KHDRBS3: variants seen among roughly 807,000 people sequenced by gnomAD.
KHDRBS3 encodes KH domain-containing, RNA-binding, signal transduction-associated protein 3.
In KHDRBS3, 23 loss-of-function variants were observed where a neutral mutation model predicts 45.6. That is an observed-to-expected ratio of 0.50 (90% CI 0.36 to 0.72). KHDRBS3 has a LOEUF of 0.72. KHDRBS3 is among the 30% of genes least tolerant of loss of function. KHDRBS3 has a pLI of 0.00. For synonymous variants in KHDRBS3, 162 were observed against 156.5 expected (o/e 1.04, Z -0.26); for missense variants, 352 against 424.8 (o/e 0.83, Z 1.51).
At chr8:135,563,974 C>G (rs1244856015) in intron 5 of KHDRBS3, among the ~76,000 whole-genome samples, 1 of 152,120 alleles carries the variant, frequency 6.6e-6, no homozygotes, top group African/African-American at 2.4e-5. Context: ...AGTGCGTGTT[C>G]CCAGATATTG....
intron 1 of KHDRBS3, among the ~76,000 whole-genome samples, chr8:135,509,973 CCT>C (rs377463978): frequency 2.8e-5 from 4 of 141,508 alleles, no homozygotes; most frequent in Admixed American, 6.9e-5. Flanking sequence ...TTTCCCCCCC[CCT>C]TTTTTTTTTT....
At chr8:135,632,435 G>T (rs1830643549) in intron 7 of KHDRBS3, among the ~76,000 whole-genome samples, 1 of 152,006 alleles carries the variant, frequency 6.6e-6, no homozygotes, top group South Asian at 2.1e-4. Context: ...CTTCTCAGTG[G>T]TCTCACTGTC....
intron 7 of KHDRBS3, among the ~76,000 whole-genome samples, chr8:135,627,120 A>G (rs939650241): frequency 6.6e-6 from 1 of 152,204 alleles, no homozygotes; most frequent in Non-Finnish European, 1.5e-5. Flanking sequence ...TTAATCATAA[A>G]TTCAATCAAA....
intron 1 of KHDRBS3, among the ~76,000 whole-genome samples, chr8:135,517,032 C>T (rs190423585): frequency 1.3e-5 from 2 of 151,990 alleles, no homozygotes; most frequent in East Asian, 3.9e-4. Flanking sequence ...GAAAAGAGGC[C>T]ATTGCTTAGG....
intron 1 of KHDRBS3, among the ~76,000 whole-genome samples, chr8:135,475,970 T>G (rs1031843300): frequency 1.3e-5 from 2 of 152,184 alleles, no homozygotes; most frequent in African/African-American, 4.8e-5. Context: ...AGGGGCCTTA[T>G]GGAGTTACTT....
intron 1 of KHDRBS3, among the ~76,000 whole-genome samples, chr8:135,517,393 C>G (rs989388650): frequency 2.6e-5 from 4 of 152,102 alleles, no homozygotes; most frequent in African/African-American, 9.7e-5. Context: ...GGATCTCAAG[C>G]ATCTTTCCTC....
chr8:135,458,199 A>G, intron 1 of KHDRBS3: 2 of 1,282,908 alleles, frequency 1.6e-6, no homozygotes, highest in South Asian at 1.9e-5. Context: ...ACTTGAAGGA[A>G]ATCTTTGGGG....
At position 135,614,011 on chromosome 8, in the gene KHDRBS3, A is replaced by T. The variant is rs549423074; in HGVS notation, c.890+6974A>T. On this transcript the variant is annotated intron_variant, in intron 7 of 8. Transcript: ENST00000355849. ...AATCAGAGTACAAATGAGAATTCCC[A>T]TAAAAAAATTCAGTATAGTTCAGGT... Among the ~76,000 whole-genome samples the T allele has an allele frequency of 6.4e-5, 8 of 124,762 alleles. No homozygotes were observed. In the South Asian group the frequency reaches 2.4e-3, roughly 38 times the overall value. The allele number at this position is 124,762 out of a possible 152,430, so 81.8% of individuals were successfully genotyped here.
At chr8:135,460,738 T>A (rs1821386800) in intron 1 of KHDRBS3, among the ~76,000 whole-genome samples, 1 of 152,214 alleles carries the variant, frequency 6.6e-6, no homozygotes, top group African/African-American at 2.4e-5. Context: ...TCACGGTAGA[T>A]TTATCTTCCA....
In KHDRBS3 at chr8:135,494,658, A is replaced by AG. The variant is rs1823343613; in HGVS notation, c.89-26579_89-26578insG. Among the ~76,000 whole-genome samples, 3 of 31,136 alleles carry AG rather than the reference A, an allele frequency of 9.6e-5. No individual in the cohort carries two copies. The Admixed American group carries it at 1.4e-3, about 14-fold the overall frequency. The allele number at this position is 31,136 out of a possible 152,430, so 20.4% of individuals were successfully genotyped here. Reference sequence around the variant, plus strand: ...ATCATTGAACTGAACCATTTGTATCAATGCAGGATCCTGAGCAAGCTGGTT... The same window carrying AG: ...ATCATTGAACTGAACCATTTGTATCAGATGCAGGATCCTGAGCAAGCTGGTT... On this transcript the variant is annotated intron_variant, in intron 1 of 8. Coordinates refer to ENST00000355849, the MANE Select transcript of KHDRBS3 (RefSeq NM_006558.3).
intron 1 of KHDRBS3, among the ~76,000 whole-genome samples, chr8:135,465,835 A>G (rs1821669178): frequency 6.6e-6 from 1 of 152,216 alleles, no homozygotes; most frequent in African/African-American, 2.4e-5. Flanking sequence ...CTTCGTTGAT[A>G]TGATAAAGGG....
Position 135,560,939 on chromosome 8 carries a change from A to C in KHDRBS3, c.611+3352A>C, listed in dbSNP as rs139831096. Among the ~76,000 whole-genome samples, 722 of 152,276 alleles carry C rather than the reference A, an allele frequency of 4.7e-3. 9 individuals carry two copies. The highest frequency in any genetic ancestry group is 5.7e-3 in the Non-Finnish European group (386 of 68,014). ...CAGCAGGGCACTGAACACACAACCC[A>C]CTTTACTTCCTCCATATTATTATGG... On this transcript the variant is annotated intron_variant, in intron 5 of 8. Transcript: ENST00000355849.
In KHDRBS3 at chr8:135,500,340, T is replaced by C. The variant is rs150981860; in HGVS notation, c.89-20897T>C. ...GCTTCATATTGTGTCTCTTAAAGTT[T>C]TTTGTTTCCAAAGAATAGAAACTGA... On this transcript the variant is annotated intron_variant, in intron 1 of 8. Transcript: ENST00000355849. Among the ~76,000 whole-genome samples the C allele has an allele frequency of 3.0e-4, 46 of 152,310 alleles. 1 individual carries two copies. The East Asian group carries it at 8.5e-3, about 28-fold the overall frequency.
chr8:135,548,609 T>G, intron 3 of KHDRBS3, 145 bp from the exon 4 acceptor site: 2 of 560,396 alleles, frequency 3.6e-6, no homozygotes, highest in Non-Finnish European at 5.7e-6. Context: ...TAAACCTTCT[T>G]TTTTAGAGTA....
chr8:135,516,223 T>C (rs981490440), intron 1 of KHDRBS3, among the ~76,000 whole-genome samples: 4 of 152,200 alleles, frequency 2.6e-5, no homozygotes, highest in Admixed American at 2.6e-4. Context: ...AATACTTGCA[T>C]AGGACACTTA....
intron 5 of KHDRBS3, among the ~76,000 whole-genome samples, chr8:135,567,395 A>T (rs546827966): frequency 6.6e-6 from 1 of 152,080 alleles, no homozygotes; most frequent in Non-Finnish European, 1.5e-5. Flanking sequence ...TATTTCCCCT[A>T]TGTTTAATTA....
chr8:135,517,117 A>T (rs1824650336), intron 1 of KHDRBS3, among the ~76,000 whole-genome samples: 1 of 152,206 alleles, frequency 6.6e-6, no homozygotes, highest in Non-Finnish European at 1.5e-5. Flanking sequence ...GAAAACAAGA[A>T]TTCTGCAGTG....
intron 1 of KHDRBS3, among the ~76,000 whole-genome samples, chr8:135,488,750 A>G (rs151108884): frequency 6.6e-6 from 1 of 152,368 alleles, no homozygotes; most frequent in East Asian, 1.9e-4. Context: ...ATTTGCAGCT[A>G]CTAAACAGCA....
chr8:135,536,936 C>T (rs917527610), intron 2 of KHDRBS3, among the ~76,000 whole-genome samples: 2 of 127,142 alleles, frequency 1.6e-5, no homozygotes, highest in African/African-American at 3.1e-5. Context: ...GTCCGCAGTC[C>T]GACCTGGGCG....
Sources: allele counts gnomAD v4.1 joint callset (sites outside exome capture counted in the v4.1 genomes callset), GRCh38; gene constraint gnomAD v4.1.1; transcripts MANE v1.5; gene names NCBI Gene and HGNC (gene_info 2026-07-23, HGNC 2026-07-21).